The following BAZ2B variants were observed in gnomAD, a reference collection of about 807,000 sequenced individuals.
BAZ2B encodes bromodomain adjacent to zinc finger domain 2B, also known as bromodomain adjacent to zinc finger domain protein 2B.
A neutral mutation model predicts 246.0 loss-of-function variants in BAZ2B; 91 were observed. The observed-to-expected ratio is 0.37, with a 90% CI of 0.31 to 0.44. The LOEUF (loss-of-function observed/expected upper bound fraction) is 0.44, where lower values mean the gene tolerates loss of function less well. BAZ2B is among the 20% of genes least tolerant of loss of function. The pLI is 1.00. For missense variants in BAZ2B, 2,332 were observed against 2,533.7 expected (o/e 0.92, Z 1.71); for synonymous variants, 855 against 860.0 (o/e 0.99, Z 0.10).
Position 159,349,961 on chromosome 2 carries a change from C to T in BAZ2B, c.4610G>A (p.Gly1537Glu), listed in dbSNP as rs759427962. 2.0e-5 allele frequency: 32 copies of T among 1,614,128 alleles called. No individual in the cohort carries two copies. The highest frequency in any genetic ancestry group is 2.7e-5 in the Non-Finnish European group (32 of 1,180,016). The change falls in exon 28 of 37, where the codon GGG (glycine) becomes GAG (glutamate). Residue 1537 changes from glycine to glutamate, a missense_variant. Coordinates refer to ENST00000392783, the MANE Select transcript of BAZ2B (RefSeq NM_013450.4). ...ATTGGGGAGAGGACTGTAGAACTTC[C>T]CTGGACCACTTGAACCAGTATTAAA... ...NLFNTGSSGP[G>E]KFYSPLPNDQ...
the BAZ2B span, among the ~76,000 whole-genome samples, chr2:159,675,559 G>T: frequency 6.6e-6 from 1 of 152,002 alleles, no homozygotes; most frequent in South Asian, 2.1e-4. Context: ...CTAAAAAACG[G>T]ATCAATTATT....
At chr2:159,595,540 C>T (rs1169677354) in intron 1 of BAZ2B, among the ~76,000 whole-genome samples, 1 of 152,186 alleles carries the variant, frequency 6.6e-6, no homozygotes, top group African/African-American at 2.4e-5. Flanking sequence ...TACTAGTCTG[C>T]TAAAATGCTG....
intron 2 of BAZ2B, among the ~76,000 whole-genome samples, chr2:159,503,531 T>C (rs1308918867): frequency 6.6e-6 from 1 of 152,148 alleles, no homozygotes; most frequent in African/African-American, 2.4e-5. Flanking sequence ...ACTTATAACA[T>C]TGTACTATAT....
Position 159,370,192 on chromosome 2 carries a change from G to A in BAZ2B, c.4213+2853C>T, listed in dbSNP as rs1022333840. Among the ~76,000 whole-genome samples, 20 of 152,190 alleles carry A rather than the reference G, an allele frequency of 1.3e-4. 1 individual carries two copies. The highest frequency in any genetic ancestry group is 2.2e-4 in the Non-Finnish European group (15 of 68,002). ...TCGTGGGGTGGTGGGAGAGGGGAGG[G>A]ATAGCATTAGGAGATATACCTAATG... On this transcript the variant is annotated intron_variant, in intron 27 of 36. Coordinates refer to ENST00000392783, the MANE Select transcript of BAZ2B (RefSeq NM_013450.4).
intron 13 of BAZ2B, among the ~76,000 whole-genome samples, chr2:159,423,731 T>C (rs2069217362): frequency 6.6e-6 from 1 of 152,220 alleles, no homozygotes; most frequent in African/African-American, 2.4e-5. Context: ...TGGATGCATA[T>C]GGAAGCCATC....
At chr2:159,649,955 T>C in the BAZ2B span, among the ~76,000 whole-genome samples, 6,336 of 152,280 alleles carry the variant, frequency 0.042, 423 homozygotes, top group African/African-American at 0.14. Context: ...ATGTTTTCTA[T>C]TGTAATTTCT....
At chr2:159,318,722 G>T (rs1209704507), downstream of BAZ2B, among the ~76,000 whole-genome samples, 2 of 152,176 alleles carry the variant, frequency 1.3e-5, no homozygotes, top group East Asian at 3.8e-4. Flanking sequence ...AAGATCTAAT[G>T]TATTCTAATA....
At chr2:159,505,506 G>A (rs2082240860) in intron 2 of BAZ2B, among the ~76,000 whole-genome samples, 1 of 152,134 alleles carries the variant, frequency 6.6e-6, no homozygotes, top group Non-Finnish European at 1.5e-5. Flanking sequence ...ACTATTGCCA[G>A]ATTATGTCAA....
chr2:159,685,880 CT>C, the BAZ2B span, among the ~76,000 whole-genome samples: 1 of 152,208 alleles, frequency 6.6e-6, no homozygotes, highest in African/African-American at 2.4e-5. Flanking sequence ...ACTGCACCCC[CT>C]GACCTCAACT....
At chr2:159,349,629 C>A in intron 28 of BAZ2B, 79 bp downstream of exon 28, 1 of 1,391,076 alleles carries the variant, frequency 7.2e-7, no homozygotes, top group Non-Finnish European at 9.7e-7. Flanking sequence ...TCTGAGTGAG[C>A]CCCCTTGAGC....
intron 2 of BAZ2B, among the ~76,000 whole-genome samples, chr2:159,502,086 T>C (rs934464601): frequency 1.3e-5 from 2 of 152,170 alleles, no homozygotes; most frequent in African/African-American, 4.8e-5. Context: ...ATGGGTTACA[T>C]GATTCCATTT....
chr2:159,401,986 T>C (rs2065146527), intron 16 of BAZ2B, among the ~76,000 whole-genome samples: 1 of 152,190 alleles, frequency 6.6e-6, no homozygotes, highest in Non-Finnish European at 1.5e-5. Context: ...TAATATGCAT[T>C]TTAATTTTTT....
At chr2:159,658,110 TCA>T in the BAZ2B span, among the ~76,000 whole-genome samples, 5 of 152,216 alleles carry the variant, frequency 3.3e-5, no homozygotes, top group Non-Finnish European at 5.9e-5. Context: ...CCTTCTATTC[TCA>T]GTTTGAAAAA....
chr2:159,618,650 A>G (rs1696308849), upstream of BAZ2B, among the ~76,000 whole-genome samples: 1 of 152,126 alleles, frequency 6.6e-6, no homozygotes, highest in Admixed American at 6.6e-5. Flanking sequence ...GAATACACTG[A>G]TATTTCTATG....
chr2:159,461,550 T>C (rs1434540733), intron 3 of BAZ2B: 1 of 152,464 alleles, frequency 6.6e-6, no homozygotes, highest in Non-Finnish European at 1.5e-5. Context: ...TATAGTACAA[T>C]CCTGCCATAA....
chr2:159,472,409 C>CT (rs2077921905), intron 3 of BAZ2B, among the ~76,000 whole-genome samples: 1 of 152,230 alleles, frequency 6.6e-6, no homozygotes, highest in African/African-American at 2.4e-5. Context: ...TTGATTTCCT[C>CT]TTTTCTACTG....
At position 159,327,193 on chromosome 2, in the gene BAZ2B, G is replaced by A. The variant is rs142345887; in HGVS notation, c.5944-1275C>T. 2.6e-5 allele frequency among the ~76,000 whole-genome samples: 4 copies of A among 152,070 alleles called. No homozygotes were observed. The East Asian group carries it at 7.7e-4, about 29-fold the overall frequency. On this transcript the variant is annotated intron_variant, in intron 34 of 36. Coordinates refer to ENST00000392783, the MANE Select transcript of BAZ2B (RefSeq NM_013450.4). ...CAGCCACCCGAGTAGCTGGGGCTAC[G>A]AGTGTGAGCCACCATGCCTGGCTAA...
intron 31 of BAZ2B, among the ~76,000 whole-genome samples, chr2:159,339,167 G>A (rs1057163263): frequency 6.6e-6 from 1 of 151,502 alleles, no homozygotes; most frequent in Non-Finnish European, 1.5e-5. Flanking sequence ...CTAAAATGGT[G>A]TCACAGATAC....
At chr2:159,478,093 G>C (rs538254385) in intron 3 of BAZ2B, among the ~76,000 whole-genome samples, 62 of 152,252 alleles carry the variant, frequency 4.1e-4, no homozygotes, top group African/African-American at 1.5e-3. Flanking sequence ...GTGAGCCACC[G>C]TGCTCAGCCA....
Sources: allele counts gnomAD v4.1 joint callset (sites outside exome capture counted in the v4.1 genomes callset), GRCh38; gene constraint gnomAD v4.1.1; transcripts MANE v1.5; gene names NCBI Gene and HGNC (gene_info 2026-07-23, HGNC 2026-07-21).